Variants in MAST3 observed in about 807,000 individuals in gnomAD.
MAST3 encodes microtubule-associated serine/threonine-protein kinase 3.
Under a neutral mutation model 127.0 loss-of-function variants are expected in MAST3, and 43 were observed. The observed-to-expected ratio is 0.34, with a 90% CI of 0.27 to 0.44. The LOEUF (loss-of-function observed/expected upper bound fraction) is 0.44, where lower values mean the gene tolerates loss of function less well. Ranked by LOEUF, MAST3 falls within the 20% of genes least tolerant of loss-of-function variation. The pLI, the probability that MAST3 is intolerant of heterozygous loss-of-function variation, is 1.00. For synonymous variants in MAST3, 785 were observed against 809.2 expected (o/e 0.97, Z 0.51); for missense variants, 1,390 against 1,919.1 (o/e 0.72, Z 5.15).
At chr19:18,129,161 C>A (rs117951771) in intron 13 of MAST3, 2 of 573,526 alleles carry the variant, frequency 3.5e-6, no homozygotes, top group Non-Finnish European at 6.2e-6. Flanking sequence ...ACGAGCCAGG[C>A]CTTTACCTGC....
chr19:18,106,912 C>A (rs1209341179), intron 1 of MAST3, among the ~76,000 whole-genome samples: 1 of 151,358 alleles, frequency 6.6e-6, no homozygotes, highest in South Asian at 2.1e-4. Flanking sequence ...GCAATCCTCC[C>A]ACCTCAGCCC....
chr19:18,137,281 T>C lies in MAST3; in HGVS notation c.2015T>C (p.Leu672Pro). ...AAGCAGCACCCCTTTTTCCTGGCCCTGGACTGGGCAGGGCTTCTCCGACAC... is the reference window on the plus strand; with the variant it reads ...AAGCAGCACCCCTTTTTCCTGGCCCCGGACTGGGCAGGGCTTCTCCGACAC... ...EVKQHPFFLA[L>P]DWAGLLRHKA... The change falls in exon 19 of 28, where the codon CTG becomes CCG. Residue 672 changes from leucine (L) to proline (P), a missense_variant. Physicochemically the swap from Leu to Pro is moderately conservative, Grantham distance 98. Transcript: ENST00000687212. 2 of 1,613,896 alleles carry C rather than the reference T, an allele frequency of 1.2e-6. No individual in the cohort carries two copies. The highest frequency in any genetic ancestry group is 1.7e-6 in the Non-Finnish European group (2 of 1,179,824).
chr19:18,134,062 A>G (rs1418360424), intron 15 of MAST3, among the ~76,000 whole-genome samples: 1 of 152,100 alleles, frequency 6.6e-6, no homozygotes, highest in African/African-American at 2.4e-5. Context: ...CATTTAATGA[A>G]CTATGTAGTC....
Position 18,142,391 on chromosome 19 carries a change from G to A in MAST3, c.2339+376G>A, listed in dbSNP as rs1269397795. Among the ~76,000 whole-genome samples, 5 of 131,864 alleles carry A rather than the reference G, an allele frequency of 3.8e-5. No individual in the cohort carries two copies. In the Admixed American group the frequency reaches 4.5e-4, roughly 12 times the overall value. The allele number at this position is 131,864 out of a possible 152,430, so 86.5% of individuals were successfully genotyped here. ...TTTTGAGACGGAGTCTCGCTCTGTCGCACAGGCTGGAGTGCAGTGGCGCAA... is the reference window on the plus strand; with the variant it reads ...TTTTGAGACGGAGTCTCGCTCTGTCACACAGGCTGGAGTGCAGTGGCGCAA... On this transcript the variant is annotated intron_variant, in intron 21 of 27. Transcript: ENST00000687212.
At chr19:18,099,374 G>C (rs1342876207) in intron 1 of MAST3, among the ~76,000 whole-genome samples, 3 of 151,526 alleles carry the variant, frequency 2.0e-5, no homozygotes, top group South Asian at 4.2e-4. Flanking sequence ...TGGTGTTGGT[G>C]GGGGGGCAGT....
In MAST3 at chr19:18,128,877, G is replaced by T; in HGVS notation, c.1149G>T (p.Leu383=). 6.2e-7 allele frequency: 1 copy of T among 1,613,558 alleles called. No individual in the cohort carries two copies. Among genetic ancestry groups the T allele is most frequent in the Middle Eastern group, 1.6e-4 (1 of 6,062 alleles). Residue 383 remains leucine (L), a synonymous_variant, in exon 13 of 28, where the codon CTG becomes CTT. Transcript: ENST00000687212. ...PAPESPESRA[L]VGQSRRKPCE... Reference sequence around the variant, plus strand: ...TTCCCATCCCCTAGAGCCGCGCCCTGGTCGGCCAGTCACGGAGGAAGCCAT... The same window carrying T: ...TTCCCATCCCCTAGAGCCGCGCCCTTGTCGGCCAGTCACGGAGGAAGCCAT...
intron 15 of MAST3, among the ~76,000 whole-genome samples, chr19:18,134,211 G>T (rs1192279351): frequency 6.8e-6 from 1 of 146,850 alleles, no homozygotes; most frequent in Non-Finnish European, 1.5e-5. Flanking sequence ...TCTACTAAAA[G>T]TACACTAAAA....
At chr19:18,102,626 C>T (rs1414950232) in intron 1 of MAST3, among the ~76,000 whole-genome samples, 2 of 151,894 alleles carry the variant, frequency 1.3e-5, no homozygotes, top group African/African-American at 4.8e-5. Flanking sequence ...GGACTACAGG[C>T]GCCTGCCACC....
At chr19:18,147,767 C>T in intron 27 of MAST3, 143 bp downstream of exon 27, 1 of 657,554 alleles carries the variant, frequency 1.5e-6, no homozygotes, top group Non-Finnish European at 2.6e-6. Flanking sequence ...TAGCAGGGAA[C>T]CTGGGAGTAC....
chr19:18,099,937 G>T (rs1253745626), intron 1 of MAST3, among the ~76,000 whole-genome samples: 3 of 152,152 alleles, frequency 2.0e-5, no homozygotes, highest in Non-Finnish European at 4.4e-5. Flanking sequence ...TGGAGCAGGA[G>T]AGGACATGCC....
In MAST3 at chr19:18,110,029, G is replaced by A; in HGVS notation, c.72-623G>A. 1 of 985,348 alleles carries A rather than the reference G, an allele frequency of 1.0e-6. No individual in the cohort carries two copies. Among genetic ancestry groups the A allele is most frequent in the Non-Finnish European group, 1.2e-6 (1 of 829,918 alleles). The allele number at this position is 985,348 out of a possible 1,614,324, so 61.0% of individuals were successfully genotyped here. On this transcript the variant is annotated intron_variant, in intron 2 of 27. Coordinates refer to ENST00000687212, the MANE Select transcript of MAST3 (RefSeq NM_001393504.1). The surrounding 1 kb of genome is among the most constrained non-coding windows in gnomAD (Gnocchi z 4.3). ...CGGGGGCTCCCAAGCCGGCGGCCTC[G>A]GCGTCCCTGCGGCAGACAGGGCGGC...
intron 1 of MAST3, among the ~76,000 whole-genome samples, chr19:18,106,427 CAG>C (rs1039358516): frequency 9.2e-5 from 14 of 151,936 alleles, no homozygotes; most frequent in Admixed American, 3.3e-4. Flanking sequence ...TTAGTAGAGA[CAG>C]GGTTTCACCA....
rs2042743362 is a variant in MAST3 at position 18,143,656 on chromosome 19, A to G, written c.2340-107A>G. ...GAAGGAACTCGTCCTGTCTATGCAAATTACCCTTGACTGCAGACTGAGAGT... is the reference window on the plus strand; with the variant it reads ...GAAGGAACTCGTCCTGTCTATGCAAGTTACCCTTGACTGCAGACTGAGAGT... On this transcript the variant is annotated intron_variant, in intron 21 of 27. Transcript: ENST00000687212. The G allele has an allele frequency of 2.8e-6, 4 of 1,431,910 alleles. No individual in the cohort carries two copies. The East Asian group carries it at 9.5e-5, about 34-fold the overall frequency. 88.7% of individuals were successfully genotyped at this position (1,431,910 alleles called of 1,614,324 possible). A position where few individuals can be genotyped will look rare whatever the true frequency, so the allele number is the denominator to read the frequency against.
intron 14 of MAST3, 45 bp downstream of exon 14, chr19:18,130,747 C>A (rs2041187081): frequency 1.3e-6 from 2 of 1,573,446 alleles, no homozygotes; most frequent in Non-Finnish European, 1.7e-6. Flanking sequence ...GGGGAGCTCA[C>A]CCCTCCACGC....
rs903110287 is a variant in MAST3 at position 18,145,468 on chromosome 19, G to A, written c.3039+239G>A. Among the ~76,000 whole-genome samples, 10 of 152,164 alleles carry A rather than the reference G, an allele frequency of 6.6e-5. No individual in the cohort carries two copies. The highest frequency in any genetic ancestry group is 4.6e-4 in the Admixed American group (7 of 15,282). ...TAACCTCCCAGCTCCATATGGGGACGCACTGGGCATGTTATCCTCCCTCTC... is the reference window on the plus strand; with the variant it reads ...TAACCTCCCAGCTCCATATGGGGACACACTGGGCATGTTATCCTCCCTCTC... On this transcript the variant is annotated intron_variant, in intron 24 of 27. Coordinates refer to ENST00000687212, the MANE Select transcript of MAST3 (RefSeq NM_001393504.1). The surrounding 1 kb of genome is among the most constrained non-coding windows in gnomAD (Gnocchi z 5.9).
In MAST3 at chr19:18,123,255, C is replaced by A; in HGVS notation, c.438C>A (p.Pro146=). ...SSSRERLHQL[P]FQPTPDELHF... ...CCCGGGAACGTCTCCACCAGCTTCCCTTCCAGCCGACGCCGGACGAGCTGC... is the reference window on the plus strand; with the variant it reads ...CCCGGGAACGTCTCCACCAGCTTCCATTCCAGCCGACGCCGGACGAGCTGC... The change falls in exon 7 of 28, where the codon CCC becomes CCA. Residue 146 remains proline (P), a synonymous_variant. Transcript: ENST00000687212. The A allele has an allele frequency of 6.2e-7, 1 of 1,613,908 alleles. No individual in the cohort carries two copies. The highest frequency in any genetic ancestry group is 1.3e-5 in the African/African-American group (1 of 75,032).
intron 11 of MAST3, among the ~76,000 whole-genome samples, 152 bp from the exon 12 acceptor site, chr19:18,128,248 G>T (rs571589879): frequency 5.9e-5 from 9 of 152,288 alleles, no homozygotes; most frequent in African/African-American, 1.9e-4. Flanking sequence ...CCAGCCTCCC[G>T]GATGTGGCTT....
intron 13 of MAST3, among the ~76,000 whole-genome samples, chr19:18,130,004 C>T (rs757410796): frequency 1.6e-4 from 24 of 151,214 alleles, no homozygotes; most frequent in Non-Finnish European, 2.8e-4. Flanking sequence ...AATCCCAGCA[C>T]TTTGGGAGCC....
At chr19:18,100,128 C>CTGTTTTTTTTTTTTTTTTTTTT (rs776661078) in intron 1 of MAST3, among the ~76,000 whole-genome samples, 1 of 121,720 alleles carries the variant, frequency 8.2e-6, no homozygotes, top group Non-Finnish European at 1.8e-5. Flanking sequence ...CTCTCTCTCT[C>CTGTTTTTTTTTTTTTTTTTTTT]TTTTTTTTTT....
Sources: allele counts gnomAD v4.1 joint callset (sites outside exome capture counted in the v4.1 genomes callset), GRCh38; gene constraint gnomAD v4.1.1; non-coding constraint Gnocchi (gnomAD v3.1); transcripts MANE v1.5; gene names NCBI Gene and HGNC (gene_info 2026-07-23, HGNC 2026-07-21).